Variants in FRMD6 observed in about 807,000 individuals in gnomAD.
FRMD6 encodes FERM domain-containing protein 6.
Under a neutral mutation model 73.2 loss-of-function variants are expected in FRMD6, and 37 were observed. The ratio of observed to expected loss-of-function variants is 0.51; its 90% confidence interval spans 0.39 to 0.66. The LOEUF (loss-of-function observed/expected upper bound fraction) is 0.66. FRMD6 is among the 30% of genes least tolerant of loss of function. The pLI, the probability that FRMD6 is intolerant of heterozygous loss-of-function variation, is 0.00. For missense variants in FRMD6, 714 were observed against 780.5 expected (o/e 0.91, Z 1.02); for synonymous variants, 273 against 282.2 (o/e 0.97, Z 0.33).
intron 2 of FRMD6, among the ~76,000 whole-genome samples, chr14:51,600,984 A>C (rs536170518): frequency 1.3e-5 from 2 of 152,230 alleles, no homozygotes; most frequent in Non-Finnish European, 2.9e-5. Flanking sequence ...GGGTGACTAA[A>C]GACAAAGATT....
chr14:51,719,334 T>G (rs1466766638), intron 10 of FRMD6, among the ~76,000 whole-genome samples: 1 of 152,224 alleles, frequency 6.6e-6, no homozygotes, highest in African/African-American at 2.4e-5. Context: ...TTGGAAATCA[T>G]CAAACCAGTA....
At chr14:51,438,905 C>G in the FRMD6 span, among the ~76,000 whole-genome samples, 8 of 152,222 alleles carry the variant, frequency 5.3e-5, no homozygotes, top group East Asian at 1.3e-3. Flanking sequence ...AAGATGGGCT[C>G]TCAGAGTAAG....
chr14:51,526,478 G>A (rs889274672), intron 1 of FRMD6, among the ~76,000 whole-genome samples: 15 of 152,140 alleles, frequency 9.9e-5, no homozygotes, highest in African/African-American at 3.6e-4. Context: ...CCCCTTGGGT[G>A]GGATGACTAT....
In FRMD6 at chr14:51,610,107, T is replaced by C. The variant is rs181341268; in HGVS notation, c.-147+39697T>C. Among the ~76,000 whole-genome samples, 73 of 152,112 alleles carry C rather than the reference T, an allele frequency of 4.8e-4. No homozygotes were observed. In the East Asian group the frequency reaches 0.014, roughly 28 times the overall value. On this transcript the variant is annotated intron_variant, in intron 2 of 14. Transcript: ENST00000356218. ...TTTGTGGTGGACAGTTCTGTACAAGTGCTGACTCATCTTTCAACTGGCAGT... is the reference window on the plus strand; with the variant it reads ...TTTGTGGTGGACAGTTCTGTACAAGCGCTGACTCATCTTTCAACTGGCAGT...
the FRMD6 span, among the ~76,000 whole-genome samples, chr14:51,411,496 C>G: frequency 1.9e-4 from 29 of 152,318 alleles, no homozygotes; most frequent in African/African-American, 7.0e-4. Context: ...GCTGGTCTCT[C>G]CCTTGGGGAA....
intron 2 of FRMD6, among the ~76,000 whole-genome samples, chr14:51,616,049 T>A (rs1426431832): frequency 6.6e-6 from 1 of 152,152 alleles, no homozygotes; most frequent in African/African-American, 2.4e-5. Context: ...AGGCCATAGT[T>A]TGAAGTGTTA....
rs961425409 is a variant in FRMD6 at position 51,716,997 on chromosome 14, T to G, written c.1024+1498T>G. Among the ~76,000 whole-genome samples, 7 of 152,286 alleles carry G rather than the reference T, an allele frequency of 4.6e-5. 1 individual carries two copies. Among genetic ancestry groups the G allele is most frequent in the Admixed American group, 3.9e-4 (6 of 15,302 alleles). On this transcript the variant is annotated intron_variant, in intron 10 of 13. Transcript: ENST00000344768. ...TTCTGCCTGCAGCATTTTAGTACAT[T>G]TTTTTTGTTCAGATGACCTTAAGAG...
chr14:51,689,949 G>A lies in FRMD6; in HGVS notation c.99+14G>A, dbSNP rs772193044. 63 of 1,508,488 alleles carry A rather than the reference G, an allele frequency of 4.2e-5. No homozygotes were observed. The highest frequency in any genetic ancestry group is 1.7e-4 in the Middle Eastern group (1 of 5,880). 93.4% of individuals were successfully genotyped at this position (1,508,488 alleles called of 1,614,324 possible). A position where few individuals can be genotyped will look rare whatever the true frequency, so the allele number is the denominator to read the frequency against. ...ATCATCATAAATGTGAGTAGATCCA[G>A]TTTTAGAAATGTCTAAATATTGTGT... is the stretch of plus-strand genomic sequence containing the variant. On this transcript the variant is annotated intron_variant, in intron 2 of 13. Transcript: ENST00000344768.
chr14:51,512,234 G>A (rs765994974), intron 1 of FRMD6, among the ~76,000 whole-genome samples: 1 of 152,078 alleles, frequency 6.6e-6, no homozygotes, highest in Non-Finnish European at 1.5e-5. Flanking sequence ...GTGTTGTGGT[G>A]GTTTAATTAA....
the FRMD6 span, among the ~76,000 whole-genome samples, chr14:51,471,826 T>C: frequency 2.0e-5 from 3 of 151,880 alleles, no homozygotes; most frequent in Non-Finnish European, 2.9e-5. Flanking sequence ...AAATGAAAAA[T>C]AGGAAAAAGG....
At chr14:51,401,552 C>A in the FRMD6 span, among the ~76,000 whole-genome samples, 1 of 152,290 alleles carries the variant, frequency 6.6e-6, no homozygotes, top group East Asian at 1.9e-4. Flanking sequence ...CAGGTGATAT[C>A]TTGGATGGGT....
At chr14:51,650,646 C>G (rs1327003510), upstream of FRMD6, 1 of 151,514 alleles carries the variant, frequency 6.6e-6, no homozygotes, top group Non-Finnish European at 1.5e-5. Flanking sequence ...CCGCCCGCCT[C>G]GGCCTCCCAA....
chr14:51,620,851 G>A lies in FRMD6; in HGVS notation c.-147+50441G>A, dbSNP rs778782756. Reference sequence around the variant, plus strand: ...CAAGCCCTGCTGCAGACATATCATTGGTTACAAGCTGGCACCAGCCTTAGA... The same window carrying A: ...CAAGCCCTGCTGCAGACATATCATTAGTTACAAGCTGGCACCAGCCTTAGA... On this transcript the variant is annotated intron_variant, in intron 2 of 14. Coordinates refer to the FRMD6 transcript ENST00000356218. Among the ~76,000 whole-genome samples, 20 of 152,296 alleles carry A rather than the reference G, an allele frequency of 1.3e-4. No homozygotes were observed. In the Middle Eastern group the frequency reaches 0.017, roughly 130 times the overall value.
intron 2 of FRMD6, among the ~76,000 whole-genome samples, chr14:51,619,736 C>T (rs1400124952): frequency 6.6e-6 from 1 of 152,100 alleles, no homozygotes; most frequent in African/African-American, 2.4e-5. Context: ...TGGTACTTAC[C>T]AAAATGAGGT....
chr14:51,418,016 T>A, the FRMD6 span, among the ~76,000 whole-genome samples: 1 of 152,162 alleles, frequency 6.6e-6, no homozygotes, highest in Non-Finnish European at 1.5e-5. Context: ...TCATTTAAGG[T>A]CTTCTCTACA....
intron 1 of FRMD6, among the ~76,000 whole-genome samples, chr14:51,538,868 T>TTTAGGATTA (rs1278155237): frequency 5.9e-5 from 9 of 152,310 alleles, no homozygotes; most frequent in African/African-American, 1.9e-4. Flanking sequence ...TCTTGTCTAT[T>TTTAGGATTA]TTAGGATTAT....
At chr14:51,446,512 T>G in the FRMD6 span, among the ~76,000 whole-genome samples, 1 of 150,070 alleles carries the variant, frequency 6.7e-6, no homozygotes, top group Non-Finnish European at 1.5e-5. Context: ...GATTTCATAG[T>G]TTTCTAAGTC....
intron 5 of FRMD6, among the ~76,000 whole-genome samples, chr14:51,704,208 A>G (rs1896494144): frequency 6.6e-6 from 1 of 152,158 alleles, no homozygotes; most frequent in Admixed American, 6.6e-5. Flanking sequence ...AAAACGGAAA[A>G]GAAACCTTTG....
chr14:51,556,796 C>T (rs1478498866), intron 1 of FRMD6, among the ~76,000 whole-genome samples: 1 of 152,072 alleles, frequency 6.6e-6, no homozygotes, highest in African/African-American at 2.4e-5. Flanking sequence ...CGAGCTGCCC[C>T]TGTCTCCTTC....
Sources: gnomAD v4.1 joint callset for allele counts (sites outside exome capture counted in the v4.1 genomes callset) on GRCh38, gnomAD v4.1.1 for gene constraint, MANE v1.5 for transcripts, NCBI Gene and HGNC (gene_info 2026-07-23, HGNC 2026-07-21) for gene names.